The following PCDHGA3 variants were observed in gnomAD, a reference collection of about 807,000 sequenced individuals.
PCDHGA3 encodes the protein protocadherin gamma-A3.
In PCDHGA3, 40 loss-of-function variants were observed where a neutral mutation model predicts 58.5. The observed-to-expected ratio is 0.68, with a 90% CI of 0.53 to 0.89. The LOEUF (loss-of-function observed/expected upper bound fraction) is 0.89, where lower values mean the gene tolerates loss of function less well. PCDHGA3 is among the 40% of genes least tolerant of loss of function. PCDHGA3 has a pLI of 0.00. For synonymous variants in PCDHGA3, 530 were observed against 525.7 expected (o/e 1.01, Z -0.11); for missense variants, 1,223 against 1,195.9 (o/e 1.02, Z -0.33).
intron 1 of PCDHGA3, among the ~76,000 whole-genome samples, chr5:141,358,251 T>C (rs906143895): frequency 8.5e-5 from 13 of 152,228 alleles, no homozygotes; most frequent in Non-Finnish European, 1.5e-4. Flanking sequence ...TAGGTGTTCC[T>C]GAAAAGATAC....
chr5:141,475,715 C>A (rs989484033), intron 1 of PCDHGA3, among the ~76,000 whole-genome samples: 3 of 152,366 alleles, frequency 2.0e-5, no homozygotes, highest in South Asian at 4.1e-4. Context: ...AGCCTCACAG[C>A]CCCAAGGCTG....
At chr5:141,470,983 C>G (rs1486663328) in intron 1 of PCDHGA3, among the ~76,000 whole-genome samples, 2 of 151,528 alleles carry the variant, frequency 1.3e-5, no homozygotes, top group African/African-American at 4.9e-5. Context: ...TCCCAAAGTG[C>G]TGGGACTACA....
chr5:141,367,552 A>ATAAATAAG (rs1765229761), intron 1 of PCDHGA3: 1 of 147,664 alleles, frequency 6.8e-6, no homozygotes, highest in South Asian at 2.1e-4. Context: ...AAATAAATAA[A>ATAAATAAG]TAAATAAATA....
intron 1 of PCDHGA3, chr5:141,395,534 G>T: frequency 8.7e-6 from 3 of 344,098 alleles, no homozygotes; most frequent in East Asian, 5.8e-5. Context: ...TGGTAATTTT[G>T]CTATTGTTTG....
intron 1 of PCDHGA3, chr5:141,404,736 A>T: frequency 6.2e-7 from 1 of 1,613,622 alleles, no homozygotes. Context: ...GTGGCAGTGG[A>T]CAGAGACTCA....
chr5:141,488,656 G>A (rs2099678001), intron 1 of PCDHGA3, among the ~76,000 whole-genome samples: 1 of 152,200 alleles, frequency 6.6e-6, no homozygotes, highest in African/African-American at 2.4e-5. Flanking sequence ...ATGGGGGAGG[G>A]TGGGGGAATA....
At chr5:141,393,277 C>T (rs749579658) in intron 1 of PCDHGA3, 4 of 1,613,844 alleles carry the variant, frequency 2.5e-6, no homozygotes, top group Non-Finnish European at 3.4e-6. Flanking sequence ...TATCCACTCC[C>T]AGAAGCTGTT....
At chr5:141,360,639 A>G (rs1226434354) in intron 1 of PCDHGA3, 5 of 1,613,898 alleles carry the variant, frequency 3.1e-6, no homozygotes, top group African/African-American at 2.7e-5. Context: ...ACTCACTACA[A>G]AGATACCACC....
At chr5:141,472,359 G>T (rs2099278248) in intron 1 of PCDHGA3, among the ~76,000 whole-genome samples, 1 of 151,944 alleles carries the variant, frequency 6.6e-6, no homozygotes, top group Admixed American at 6.6e-5. Flanking sequence ...GGCTAACACG[G>T]TGAAACCCCG....
rs767547572 is a variant in PCDHGA3 at position 141,505,495 on chromosome 5, G to C, written c.2572+14G>C. On this transcript the variant is annotated intron_variant, in intron 3 of 3. Coordinates refer to ENST00000253812, the MANE Select transcript of PCDHGA3 (RefSeq NM_018916.4). The stretch of plus-strand genomic sequence containing the variant: ...CGTCCGCCAGTGGTAAGTGGTGTCA[G>C]TGTGTGTATGGAAGAGTGGGAGACC... 5 of 1,614,210 alleles carry C rather than the reference G, an allele frequency of 3.1e-6. No individual in the cohort carries two copies. Among genetic ancestry groups the C allele is most frequent in the Non-Finnish European group, 4.2e-6 (5 of 1,180,000 alleles).
intron 1 of PCDHGA3, chr5:141,361,529 A>C (rs1251773274): frequency 8.7e-6 from 14 of 1,613,912 alleles, no homozygotes; most frequent in Non-Finnish European, 1.2e-5. Flanking sequence ...GCAGAGAACA[A>C]TCCTCCTGGC....
intron 1 of PCDHGA3, chr5:141,393,292 C>T: frequency 6.2e-7 from 1 of 1,613,946 alleles, no homozygotes; most frequent in Non-Finnish European, 8.5e-7. Context: ...GCTGTTGACC[C>T]GGATGTGGGC....
intron 1 of PCDHGA3, chr5:141,389,409 A>G: frequency 6.2e-7 from 1 of 1,613,590 alleles, no homozygotes; most frequent in Admixed American, 1.7e-5. Context: ...AAGCGCGGAG[A>G]GCGGGGTGGT....
chr5:141,437,617 C>T (rs570138576), intron 1 of PCDHGA3, among the ~76,000 whole-genome samples: 1 of 152,102 alleles, frequency 6.6e-6, no homozygotes, highest in Admixed American at 6.6e-5. Flanking sequence ...CTGCTTTATC[C>T]CCATATAAGA....
intron 1 of PCDHGA3, among the ~76,000 whole-genome samples, chr5:141,381,821 TTC>T (rs1354203071): frequency 5.5e-5 from 7 of 126,128 alleles, no homozygotes; most frequent in African/African-American, 2.4e-4. Context: ...TCTTTCTTTC[TTC>T]TTCTTTTTTT....
chr5:141,441,825 C>A, intron 1 of PCDHGA3: 1 of 357,252 alleles, frequency 2.8e-6, no homozygotes, highest in Non-Finnish European at 5.5e-6. Flanking sequence ...CTCTGGAGCG[C>A]AATGGCTTCG....
In PCDHGA3 at chr5:141,491,561, A is replaced by G. The variant is rs1289732955; in HGVS notation, c.2425-3246A>G. ...CCCACAGACTCGCAGAGCCACTGCT[A>G]CAGGACGTGCTTTTCACCGGCCTCG... On this transcript the variant is annotated intron_variant, in intron 1 of 3. Transcript: ENST00000253812. The surrounding 1 kb of genome is among the most constrained non-coding windows in gnomAD (Gnocchi z 6.9). The G allele has an allele frequency of 6.2e-7, 1 of 1,613,938 alleles. No homozygotes were observed. Among genetic ancestry groups the G allele is most frequent in the Non-Finnish European group, 8.5e-7 (1 of 1,180,018 alleles).
intron 1 of PCDHGA3, chr5:141,376,429 G>A (rs1213536945): frequency 1.9e-5 from 31 of 1,614,088 alleles, no homozygotes; most frequent in Non-Finnish European, 2.5e-5. Context: ...TTATCAACCA[G>A]GAGAGCTATG....
rs1291837550 is a variant in PCDHGA3 at position 141,345,546 on chromosome 5, G to T, written c.1513G>T (p.Val505Phe). 2 of 1,614,134 alleles carry T rather than the reference G, an allele frequency of 1.2e-6. No homozygotes were observed. Among genetic ancestry groups the T allele is most frequent in the Non-Finnish European group, 1.7e-6 (2 of 1,180,028 alleles). Reference protein sequence around the residue: ...TLQGAPLSSFVSINSNTGVLY... With the variant: ...TLQGAPLSSFFSINSNTGVLY... ...CCAGGGGGCGCCCCTGTCCTCCTTC[G>T]TCTCTATCAACTCCAACACTGGCGT... Residue 505 changes from valine to phenylalanine, a missense_variant, in exon 1 of 4, where the codon GTC becomes TTC. Transcript: ENST00000253812.
Sources: gnomAD v4.1 joint callset for allele counts (sites outside exome capture counted in the v4.1 genomes callset) on GRCh38, gnomAD v4.1.1 for gene constraint, Gnocchi (gnomAD v3.1) non-coding constraint, MANE v1.5 for transcripts, NCBI Gene and HGNC (gene_info 2026-07-23, HGNC 2026-07-21) for gene names.